ASIC2: variants seen among roughly 807,000 people sequenced by gnomAD.
ASIC2 encodes the protein acid sensing ion channel subunit 2, also known as acid-sensing ion channel 2.
Under a neutral mutation model 57.3 loss-of-function variants are expected in ASIC2, and 25 were observed. The ratio of observed to expected loss-of-function variants is 0.44; its 90% CI spans 0.32 to 0.61. ASIC2 has a LOEUF of 0.61. Among genes scored for constraint, ASIC2 ranks in the 20% least tolerant of loss-of-function variants. The pLI, the probability that ASIC2 is intolerant of heterozygous loss-of-function variation, is 0.06. For synonymous variants in ASIC2, 319 were observed against 307.5 expected (o/e 1.04, Z -0.39); for missense variants, 641 against 738.1 (o/e 0.87, Z 1.52).
intron 1 of ASIC2, among the ~76,000 whole-genome samples, chr17:33,746,330 ATG>A (rs1210134199): frequency 2.0e-5 from 3 of 149,508 alleles, no homozygotes; most frequent in South Asian, 4.2e-4. Flanking sequence ...ATATACATAT[ATG>A]TATATATACA....
intron 2 of ASIC2, among the ~76,000 whole-genome samples, chr17:33,106,681 C>T (rs992822509): frequency 6.6e-6 from 1 of 152,148 alleles, no homozygotes; most frequent in Non-Finnish European, 1.5e-5. Flanking sequence ...GAACTAATTC[C>T]CCTGCCCACT....
chr17:33,484,803 C>A (rs898137801), intron 1 of ASIC2, among the ~76,000 whole-genome samples: 15 of 152,188 alleles, frequency 9.9e-5, no homozygotes, highest in African/African-American at 3.6e-4. Flanking sequence ...TGGCAACACC[C>A]AGGAGTTACT....
At chr17:33,898,252 T>TTTTTTTTTC (rs1915151434) in intron 1 of ASIC2, among the ~76,000 whole-genome samples, 1 of 108,522 alleles carries the variant, frequency 9.2e-6, no homozygotes, top group Non-Finnish European at 1.9e-5. Context: ...TTTTTTTTTT[T>TTTTTTTTTC]TGAGACTGAG....
intron 1 of ASIC2, among the ~76,000 whole-genome samples, chr17:33,121,305 G>T (rs1352821497): frequency 6.6e-6 from 1 of 152,202 alleles, no homozygotes; most frequent in Non-Finnish European, 1.5e-5. Flanking sequence ...AGGCCTTGGG[G>T]ATACAGACAT....
intron 3 of ASIC2, among the ~76,000 whole-genome samples, chr17:33,032,920 CT>C (rs75346575): frequency 0.027 from 4,067 of 147,944 alleles, 79 homozygotes; most frequent in Non-Finnish European, 0.041. Flanking sequence ...TCTCTTTTAA[CT>C]TTTTTTTTTT....
At chr17:33,786,633 A>C (rs997304540) in intron 1 of ASIC2, among the ~76,000 whole-genome samples, 4 of 152,098 alleles carry the variant, frequency 2.6e-5, no homozygotes, top group African/African-American at 4.8e-5. Flanking sequence ...TTTTTACTGC[A>C]GTCAAAGGAA....
intron 1 of ASIC2, among the ~76,000 whole-genome samples, chr17:33,969,580 A>G (rs75139452): frequency 2.2e-4 from 33 of 152,284 alleles, no homozygotes; most frequent in African/African-American, 7.7e-4. Context: ...GCCCATTACT[A>G]TTGTGGACAA....
At chr17:33,058,052 A>G (rs2092004972) in intron 3 of ASIC2, among the ~76,000 whole-genome samples, 1 of 152,212 alleles carries the variant, frequency 6.6e-6, no homozygotes, top group South Asian at 2.1e-4. Context: ...ATTAAAAAAA[A>G]AGGTATGTAT....
At chr17:33,077,220 T>C (rs2092092362) in intron 3 of ASIC2, among the ~76,000 whole-genome samples, 1 of 152,120 alleles carries the variant, frequency 6.6e-6, no homozygotes, top group African/African-American at 2.4e-5. Flanking sequence ...TCAAAGGCCC[T>C]ATTTTAAGAA....
intron 1 of ASIC2, among the ~76,000 whole-genome samples, chr17:34,123,992 G>T (rs1014804600): frequency 2.6e-5 from 4 of 152,172 alleles, no homozygotes; most frequent in African/African-American, 9.7e-5. Context: ...TGACACAGGA[G>T]AATCACTTAA....
intron 1 of ASIC2, among the ~76,000 whole-genome samples, chr17:33,141,810 T>A (rs752332408): frequency 6.6e-6 from 1 of 152,238 alleles, no homozygotes; most frequent in African/African-American, 2.4e-5. Flanking sequence ...TAACTCATCA[T>A]GTTTCCATGC....
chr17:34,086,291 T>G (rs1910109800), intron 1 of ASIC2, among the ~76,000 whole-genome samples: 1 of 152,200 alleles, frequency 6.6e-6, no homozygotes, highest in African/African-American at 2.4e-5. Flanking sequence ...TTCATTTCAT[T>G]ATGTACCAAG....
rs1312983546 is a variant in ASIC2 at position 34,035,427 on chromosome 17, C to T, written c.555+120551G>A. 6.1e-5 allele frequency among the ~76,000 whole-genome samples: 9 copies of T among 147,768 alleles called. 1 individual carries two copies. The highest frequency in any genetic ancestry group is 2.3e-4 in the African/African-American group (9 of 38,878). ...AACGTTAGACCTAAAACCATAAAAA[C>T]CCTAGAAGAAAACCTCAGCATTACT... is the stretch of plus-strand genomic sequence containing the variant. On this transcript the variant is annotated intron_variant, in intron 1 of 9. Transcript: ENST00000359872.
In ASIC2 at chr17:33,132,177, T is replaced by G. The variant is rs573445294; in HGVS notation, c.709-20110A>C. On this transcript the variant is annotated intron_variant, in intron 1 of 9. Transcript: ENST00000225823. ...ATTCAGGTTTTCATTCAACAAATAT[T>G]TTGGCACACATACTATGTGGCTCAA... Among the ~76,000 whole-genome samples the G allele has an allele frequency of 9.8e-5, 15 of 152,296 alleles. No individual in the cohort carries two copies. The South Asian group carries it at 3.1e-3, about 32-fold the overall frequency.
At chr17:33,760,230 C>A (rs981256960) in intron 1 of ASIC2, among the ~76,000 whole-genome samples, 2 of 151,990 alleles carry the variant, frequency 1.3e-5, no homozygotes, top group East Asian at 3.9e-4. Flanking sequence ...ATACTGACTA[C>A]AACACAATTA....
At chr17:33,183,100 C>T (rs917247715) in intron 1 of ASIC2, among the ~76,000 whole-genome samples, 1 of 152,178 alleles carries the variant, frequency 6.6e-6, no homozygotes, top group African/African-American at 2.4e-5. Context: ...TTCAAGGCCA[C>T]ACAGCCACTA....
intron 1 of ASIC2, among the ~76,000 whole-genome samples, chr17:33,161,350 C>T (rs1052896325): frequency 2.0e-5 from 3 of 152,184 alleles, no homozygotes; most frequent in African/African-American, 7.2e-5. Flanking sequence ...ACTACAGAGC[C>T]TTTGCACGTG....
intron 3 of ASIC2, among the ~76,000 whole-genome samples, chr17:33,059,181 T>C (rs930480672): frequency 7.9e-5 from 12 of 152,188 alleles, no homozygotes; most frequent in Admixed American, 3.3e-4. Flanking sequence ...TATTATACTT[T>C]AGGTTCTAGG....
chr17:33,561,617 A>C (rs565486571), intron 1 of ASIC2, among the ~76,000 whole-genome samples: 2 of 152,096 alleles, frequency 1.3e-5, no homozygotes, highest in African/African-American at 4.8e-5. Flanking sequence ...AACACCATCC[A>C]TTTTCTTATA....
Sources: gnomAD v4.1 joint callset for allele counts (sites outside exome capture counted in the v4.1 genomes callset) on GRCh38, gnomAD v4.1.1 for gene constraint, MANE v1.5 for transcripts, NCBI Gene and HGNC (gene_info 2026-07-23, HGNC 2026-07-21) for gene names.